Variants in PGBD5 observed in about 807,000 individuals in gnomAD.
The protein encoded by PGBD5 is piggyBac transposable element-derived protein 5.
In PGBD5, 14 loss-of-function variants were observed where a neutral mutation model predicts 47.9. That is an observed-to-expected ratio of 0.29 (90% CI 0.19 to 0.46). The LOEUF is 0.46. PGBD5 is among the 20% of genes least tolerant of loss of function. The pLI is 1.00. For synonymous variants in PGBD5, 316 were observed against 306.3 expected (o/e 1.03, Z -0.33); for missense variants, 635 against 716.0 (o/e 0.89, Z 1.29).
chr1:230,359,878 T>G (rs899039108), intron 1 of PGBD5, among the ~76,000 whole-genome samples: 1 of 152,194 alleles, frequency 6.6e-6, no homozygotes, highest in Non-Finnish European at 1.5e-5. Flanking sequence ...TACATCACTT[T>G]CACCAACCAT....
chr1:230,382,383 TGAG>T (rs1656525534), intron 1 of PGBD5, among the ~76,000 whole-genome samples: 1 of 152,228 alleles, frequency 6.6e-6, no homozygotes, highest in African/African-American at 2.4e-5. Flanking sequence ...CATAGTCATG[TGAG>T]GAGAAGAGCT....
Position 230,316,154 on chromosome 1 carries a change from A to G in PGBD5, c.*7271T>C, listed in dbSNP as rs899076763. On this transcript the variant is annotated 3_prime_UTR_variant, in exon 7 of 7. Coordinates refer to ENST00000391860, the MANE Select transcript of PGBD5 (RefSeq NM_001258311.2). ...CATACATATGTATATGTGTACACAT[A>G]TATGTATGTGTATACATACATACGT... The G allele has an allele frequency of 4.1e-5, 6 of 147,844 alleles. No individual in the cohort carries two copies. Among genetic ancestry groups the G allele is most frequent in the African/African-American group, 1.0e-4 (4 of 38,942 alleles). 9.2% of individuals were successfully genotyped at this position (147,844 alleles called of 1,614,324 possible).
intron 4 of PGBD5, among the ~76,000 whole-genome samples, chr1:230,333,861 C>T: frequency 6.6e-6 from 1 of 152,178 alleles, no homozygotes; most frequent in East Asian, 1.9e-4. Context: ...TTGCTCACTT[C>T]CACTCTGGAC....
intron 5 of PGBD5, among the ~76,000 whole-genome samples, chr1:230,326,688 C>G (rs1368658136): frequency 6.6e-6 from 1 of 152,060 alleles, no homozygotes; most frequent in Non-Finnish European, 1.5e-5. Flanking sequence ...GTTGCCTAGG[C>G]TGGTCTCAAA....
chr1:230,339,160 T>C (rs147995878), intron 3 of PGBD5, among the ~76,000 whole-genome samples: 2 of 152,328 alleles, frequency 1.3e-5, no homozygotes, highest in African/African-American at 4.8e-5. Flanking sequence ...ACGTGATAGC[T>C]GAGAAATGGA....
At chr1:230,375,684 A>G (rs1350146438) in intron 1 of PGBD5, among the ~76,000 whole-genome samples, 2 of 128,970 alleles carry the variant, frequency 1.6e-5, no homozygotes, top group African/African-American at 6.5e-5. Context: ...TTTTTAGTAC[A>G]TGGAATAACC....
intron 1 of PGBD5, among the ~76,000 whole-genome samples, chr1:230,396,585 G>T (rs1656986620): frequency 7.9e-6 from 1 of 126,156 alleles, no homozygotes; most frequent in Non-Finnish European, 1.6e-5. Flanking sequence ...CATTCATCTG[G>T]AATGGACCAC....
chr1:230,395,314 CCT>C (rs1363397262), intron 1 of PGBD5, among the ~76,000 whole-genome samples: 5 of 50,864 alleles, frequency 9.8e-5, no homozygotes, highest in Non-Finnish European at 1.2e-4. Context: ...CTCCTCTCCT[CCT>C]CTCCTCACAC....
intron 1 of PGBD5, among the ~76,000 whole-genome samples, chr1:230,399,614 A>C (rs556213764): frequency 6.6e-6 from 1 of 152,316 alleles, no homozygotes; most frequent in Admixed American, 6.5e-5. Context: ...GTCCTCTCTC[A>C]GACATCTGCT....
intron 1 of PGBD5, among the ~76,000 whole-genome samples, chr1:230,411,232 A>G (rs1322959206): frequency 6.6e-6 from 1 of 152,204 alleles, no homozygotes; most frequent in African/African-American, 2.4e-5. Context: ...GCAGTGTGCC[A>G]TGATCGTGCC....
chr1:230,386,425 G>T (rs529965778), intron 1 of PGBD5, among the ~76,000 whole-genome samples: 3 of 152,048 alleles, frequency 2.0e-5, no homozygotes, highest in Non-Finnish European at 4.4e-5. Flanking sequence ...TATACCAAAT[G>T]TCTCTGCCTC....
intron 2 of PGBD5, among the ~76,000 whole-genome samples, chr1:230,355,971 TAGAG>T (rs926435679): frequency 1.2e-4 from 18 of 152,238 alleles, no homozygotes; most frequent in East Asian, 1.9e-4. Flanking sequence ...TATAGAGAGT[TAGAG>T]AGAGGACCTA....
At chr1:230,356,795 C>A in intron 2 of PGBD5, 99 bp downstream of exon 2, 2 of 1,295,642 alleles carry the variant, frequency 1.5e-6, no homozygotes, top group Non-Finnish European at 2.1e-6. Flanking sequence ...AGAGGGCAGG[C>A]AGGGCAGGAA....
chr1:230,346,846 C>T (rs539273391), intron 3 of PGBD5, among the ~76,000 whole-genome samples: 1 of 152,234 alleles, frequency 6.6e-6, no homozygotes. Context: ...TCCATCTCTC[C>T]TACTGGAGAG....
Position 230,404,761 on chromosome 1 carries a change from C to T in PGBD5, c.331+20837G>A, listed in dbSNP as rs987918050. 9.9e-5 allele frequency among the ~76,000 whole-genome samples: 15 copies of T among 151,074 alleles called. No homozygotes were observed. In the South Asian group the frequency reaches 1.7e-3, roughly 17 times the overall value. ...TAGCCTGACCAAAATGCAGAAATCC[C>T]GCCTCTACCAAAAAATACAAAATTA... On this transcript the variant is annotated intron_variant, in intron 1 of 6. Coordinates refer to ENST00000391860, the MANE Select transcript of PGBD5 (RefSeq NM_001258311.2).
In PGBD5 at chr1:230,365,682, G is replaced by C. The variant is rs1274646767; in HGVS notation, c.332-8361C>G. 3.3e-5 allele frequency among the ~76,000 whole-genome samples: 5 copies of C among 152,308 alleles called. No homozygotes were observed. In the East Asian group the frequency reaches 9.7e-4, roughly 29 times the overall value. ...ATGGAGCAGCGGAAAATAAAGGCTG[G>C]CTGAGTCTTCTCCAAGGTGAGCACT... is the stretch of plus-strand genomic sequence containing the variant. On this transcript the variant is annotated intron_variant, in intron 1 of 6. Coordinates refer to ENST00000391860, the MANE Select transcript of PGBD5 (RefSeq NM_001258311.2).
chr1:230,404,625 A>ATATATATATATAT (rs1553290460), intron 1 of PGBD5, among the ~76,000 whole-genome samples: 2 of 125,988 alleles, frequency 1.6e-5, no homozygotes, highest in African/African-American at 6.1e-5. Context: ...AAAAAAAAAA[A>ATATATATATATAT]AAAAATATAT....
intron 1 of PGBD5, among the ~76,000 whole-genome samples, chr1:230,422,630 C>A (rs955204103): frequency 7.9e-5 from 12 of 152,136 alleles, no homozygotes; most frequent in Non-Finnish European, 1.5e-4. Flanking sequence ...CAGCCAGAAC[C>A]TAGGGGAGGT....
At chr1:230,375,794 G>C (rs1351079191) in intron 1 of PGBD5, among the ~76,000 whole-genome samples, 1 of 151,580 alleles carries the variant, frequency 6.6e-6, no homozygotes, top group Admixed American at 6.6e-5. Context: ...CAGCTGTCAG[G>C]AGCACTTCTA....
Sources: gnomAD v4.1 joint callset for allele counts (sites outside exome capture counted in the v4.1 genomes callset) on GRCh38, gnomAD v4.1.1 for gene constraint, MANE v1.5 for transcripts, NCBI Gene and HGNC (gene_info 2026-07-23, HGNC 2026-07-21) for gene names.